The following AGPS variants were observed in gnomAD, a reference collection of about 807,000 sequenced individuals.
AGPS encodes the protein alkyldihydroxyacetonephosphate synthase, peroxisomal.
A neutral mutation model predicts 90.7 loss-of-function variants in AGPS; 26 were observed. The ratio of observed to expected loss-of-function variants is 0.29; its 90% CI spans 0.21 to 0.40. The LOEUF is 0.40. Ranked by LOEUF, AGPS falls within the 10% of genes least tolerant of loss-of-function variation. The pLI is 1.00. For synonymous variants in AGPS, 294 were observed against 285.3 expected (o/e 1.03, Z -0.31); for missense variants, 540 against 816.1 (o/e 0.66, Z 4.12).
intron 1 of AGPS, among the ~76,000 whole-genome samples, chr2:177,419,600 G>T (rs573580460): frequency 2.4e-4 from 37 of 151,878 alleles, no homozygotes; most frequent in African/African-American, 8.9e-4. Flanking sequence ...ATGAAATATT[G>T]GTGTTTTGCA....
rs1689264143 is a variant in AGPS at position 177,523,654 on chromosome 2, G to A, written c.1798-94G>A. On this transcript the variant is annotated intron_variant, in intron 18 of 19. Coordinates refer to ENST00000264167, the MANE Select transcript of AGPS (RefSeq NM_003659.4). The stretch of plus-strand genomic sequence containing the variant: ...GCTTCTAGTTTATTATTTAACCCAG[G>A]AAACATGTGCCTTCTTTGGGAGTTG... The A allele has an allele frequency of 2.9e-6, 3 of 1,051,554 alleles. No homozygotes were observed. The African/African-American group carries it at 4.7e-5, about 17-fold the overall frequency. 65.1% of individuals were successfully genotyped at this position (1,051,554 alleles called of 1,614,324 possible). A position where few individuals can be genotyped will look rare whatever the true frequency, so the allele number is the denominator to read the frequency against.
chr2:177,470,475 G>A (rs538388253), intron 10 of AGPS, among the ~76,000 whole-genome samples: 11 of 151,916 alleles, frequency 7.2e-5, no homozygotes, highest in African/African-American at 2.2e-4. Context: ...AGGCTGAGGC[G>A]GGTGGATCAC....
chr2:177,430,414 G>A (rs185271827), intron 2 of AGPS, among the ~76,000 whole-genome samples: 13 of 152,272 alleles, frequency 8.5e-5, no homozygotes, highest in Middle Eastern at 3.4e-3. Context: ...AAAACTCCTG[G>A]GTTACTGTGC....
chr2:177,437,659 G>A (rs184873644), intron 5 of AGPS, among the ~76,000 whole-genome samples: 136 of 152,252 alleles, frequency 8.9e-4, no homozygotes, highest in Admixed American at 1.6e-3. Context: ...AAAGCAAGAT[G>A]GGTATATTGT....
At position 177,474,683 on chromosome 2, in the gene AGPS, T is replaced by G. The variant is rs547520538; in HGVS notation, c.1105+6159T>G. Among the ~76,000 whole-genome samples the G allele has an allele frequency of 2.0e-5, 3 of 152,336 alleles. No homozygotes were observed. In the South Asian group the frequency reaches 6.2e-4, roughly 32 times the overall value. The stretch of plus-strand genomic sequence containing the variant: ...TCTACCATAACCATCTATGTATATA[T>G]TTTTTAAAAAACAAATGGGAGCTTA... On this transcript the variant is annotated intron_variant, in intron 10 of 19. Transcript: ENST00000264167.
chr2:177,525,621 A>T (rs993958072), intron 19 of AGPS, among the ~76,000 whole-genome samples: 1 of 152,228 alleles, frequency 6.6e-6, no homozygotes, highest in Non-Finnish European at 1.5e-5. Context: ...ACAAGGAAAT[A>T]GAGGCTTAAT....
chr2:177,434,923 A>ATAAAAAT (rs1304174749), intron 3 of AGPS, among the ~76,000 whole-genome samples: 2 of 148,414 alleles, frequency 1.3e-5, no homozygotes, highest in African/African-American at 5.0e-5. Context: ...TTAAGATATG[A>ATAAAAAT]GTGATTGAGG....
chr2:177,415,621 AATGTTC>A (rs957578345), intron 1 of AGPS, among the ~76,000 whole-genome samples: 31 of 152,224 alleles, frequency 2.0e-4, no homozygotes, highest in African/African-American at 7.2e-4. Flanking sequence ...GTTGCATGAT[AATGTTC>A]AAGAAGGCTC....
chr2:177,456,361 GT>G (rs1201691641), intron 8 of AGPS, among the ~76,000 whole-genome samples: 1 of 152,204 alleles, frequency 6.6e-6, no homozygotes, highest in Non-Finnish European at 1.5e-5. Flanking sequence ...TGCACCAGCA[GT>G]TGTTTCTCAC....
rs1162448818 is a variant in AGPS at position 177,505,516 on chromosome 2, G to A, written c.1486G>A (p.Ala496Thr). 6.2e-7 allele frequency: 1 copy of A among 1,612,368 alleles called. No individual in the cohort carries two copies. The highest frequency in any genetic ancestry group is 8.5e-7 in the Non-Finnish European group (1 of 1,178,856). Residue 496 changes from alanine (A) to threonine (T), a missense_variant, in exon 15 of 20, where the codon GCT becomes ACT. Coordinates refer to ENST00000264167, the MANE Select transcript of AGPS (RefSeq NM_003659.4). Reference protein sequence around the residue: ...DIAAKFGGLAAGEDNGQRGYL... With the variant: ...DIAAKFGGLATGEDNGQRGYL... ...GTTCTTTAATTACAGTGGGTTGGCAGCTGGAGAAGATAATGGACAGAGAGG... is the reference window on the plus strand; with the variant it reads ...GTTCTTTAATTACAGTGGGTTGGCAACTGGAGAAGATAATGGACAGAGAGG...
intron 10 of AGPS, among the ~76,000 whole-genome samples, chr2:177,471,504 G>C (rs1687624389): frequency 6.6e-6 from 1 of 152,018 alleles, no homozygotes; most frequent in Non-Finnish European, 1.5e-5. Flanking sequence ...CATTTGAAAT[G>C]CTTTCCATTC....
chr2:177,515,213 A>G (rs1688987600), intron 17 of AGPS, among the ~76,000 whole-genome samples: 1 of 151,978 alleles, frequency 6.6e-6, no homozygotes, highest in Middle Eastern at 3.2e-3. Context: ...AGTCCTTAAA[A>G]TCTAAGACAA....
chr2:177,473,489 G>A (rs989186814), intron 10 of AGPS, among the ~76,000 whole-genome samples: 1 of 151,982 alleles, frequency 6.6e-6, no homozygotes, highest in Non-Finnish European at 1.5e-5. Flanking sequence ...AGAATGGAAA[G>A]TGAATGACAT....
chr2:177,506,567 A>G (rs192991178), intron 15 of AGPS, among the ~76,000 whole-genome samples: 1 of 151,936 alleles, frequency 6.6e-6, no homozygotes, highest in African/African-American at 2.4e-5. Flanking sequence ...GGCTGAATTA[A>G]TATGTTCTCA....
intron 9 of AGPS, among the ~76,000 whole-genome samples, chr2:177,463,637 T>A: frequency 6.6e-6 from 1 of 152,322 alleles, no homozygotes; most frequent in South Asian, 2.1e-4. Context: ...ACTTTTTAAA[T>A]ATTTTCATTA....
intron 16 of AGPS, among the ~76,000 whole-genome samples, chr2:177,508,924 G>GT (rs1398149684): frequency 6.6e-6 from 1 of 151,946 alleles, no homozygotes; most frequent in Non-Finnish European, 1.5e-5. Context: ...TCACATTTTG[G>GT]TTTTTTGCAG....
At chr2:177,401,420 T>G (rs1003948445) in intron 1 of AGPS, among the ~76,000 whole-genome samples, 1 of 152,174 alleles carries the variant, frequency 6.6e-6, no homozygotes, top group Admixed American at 6.6e-5. Flanking sequence ...TGTCATCTGA[T>G]CCTCACAACT....
Position 177,441,012 on chromosome 2 carries a change from A to C in AGPS, c.685A>C (p.Asn229His), listed in dbSNP as rs1358431553. 6.2e-7 allele frequency: 1 copy of C among 1,612,636 alleles called. No individual in the cohort carries two copies. Among genetic ancestry groups the C allele is most frequent in the African/African-American group, 1.3e-5 (1 of 74,896 alleles). ...VKIVNLACKY[N>H]LCIIPIGGGT... The stretch of plus-strand genomic sequence containing the variant: ...GATTGTGAATCTAGCTTGCAAATAT[A>C]ATCTTTGTATCATACCAATTGGTGG... The change falls in exon 6 of 20, where the codon AAT (asparagine) becomes CAT (histidine). Residue 229 changes from asparagine to histidine, a missense_variant. Asn to His is a moderately conservative substitution (Grantham distance 68). This residue lies in a region of AGPS where 405 missense variants were observed against 692.1 expected (regional missense o/e 0.59). Transcript: ENST00000264167.
intron 1 of AGPS, among the ~76,000 whole-genome samples, chr2:177,411,218 A>G (rs1685612056): frequency 1.3e-5 from 2 of 152,206 alleles, no homozygotes; most frequent in South Asian, 4.1e-4. Context: ...AATGTCTGCA[A>G]CTGACTGAAT....
Sources: allele counts gnomAD v4.1 joint callset (sites outside exome capture counted in the v4.1 genomes callset), GRCh38; gene constraint gnomAD v4.1.1; regional missense constraint gnomAD v4.1.1; transcripts MANE v1.5; gene names NCBI Gene and HGNC (gene_info 2026-07-23, HGNC 2026-07-21).